The following ELOVL7 variants were observed in gnomAD, a reference collection of about 807,000 sequenced individuals.
ELOVL7 encodes very long chain fatty acid elongase 7.
ELOVL7 carries 27 observed loss-of-function variants against 35.7 expected under a neutral mutation model. The ratio of observed to expected loss-of-function variants is 0.76; its 90% confidence interval spans 0.56 to 1.04. The LOEUF (loss-of-function observed/expected upper bound fraction) is 1.04, where lower values mean the gene tolerates loss of function less well. Among genes scored for constraint, ELOVL7 ranks in the 50% least tolerant of loss-of-function variants. ELOVL7 has a pLI of 0.00. For missense variants in ELOVL7, 327 were observed against 340.8 expected, an observed-to-expected ratio of 0.96 and a Z score of 0.32; for synonymous variants, 113 against 114.6, an observed-to-expected ratio of 0.99 and a Z score of 0.09.
intron 1 of ELOVL7, among the ~76,000 whole-genome samples, chr5:60,822,685 G>A (rs533260782): frequency 6.6e-6 from 1 of 152,300 alleles, no homozygotes; most frequent in Admixed American, 6.5e-5. Context: ...GAGAACAATA[G>A]TGGTCTAAAG....
In ELOVL7 at chr5:60,811,794, C is replaced by G. The variant is rs866568703; in HGVS notation, c.-85-12564G>C. Among the ~76,000 whole-genome samples the G allele has an allele frequency of 4.1e-4, 62 of 152,134 alleles. 1 individual carries two copies. The highest frequency in any genetic ancestry group is 2.0e-3 in the Admixed American group (30 of 15,276). On this transcript the variant is annotated intron_variant, in intron 1 of 8. Coordinates refer to ENST00000508821, the MANE Select transcript of ELOVL7 (RefSeq NM_024930.3). ...CCCCTTGGCCTTGGACTTCCAGCCT[C>G]CAGAACTGTAAGAAATAATTTTTTT...
intron 1 of ELOVL7, among the ~76,000 whole-genome samples, chr5:60,817,290 G>A (rs1161664505): frequency 6.6e-6 from 1 of 150,988 alleles, no homozygotes; most frequent in Non-Finnish European, 1.5e-5. Flanking sequence ...AAAAAACAGA[G>A]GGTTTACAGA....
chr5:60,756,767 T>C (rs1231444707), intron 8 of ELOVL7, among the ~76,000 whole-genome samples: 1 of 152,196 alleles, frequency 6.6e-6, no homozygotes. Flanking sequence ...TCATTGGTGT[T>C]ACTGGCAGAA....
At chr5:60,808,021 A>AG (rs1745042128) in intron 1 of ELOVL7, among the ~76,000 whole-genome samples, 51 of 136,812 alleles carry the variant, frequency 3.7e-4, no homozygotes, top group Non-Finnish European at 7.9e-5. Context: ...AAAAAAAAAA[A>AG]GAATAAAATG....
chr5:60,841,006 T>TA (rs199897622), intron 1 of ELOVL7, among the ~76,000 whole-genome samples: 6,635 of 145,272 alleles, frequency 0.046, 528 homozygotes, highest in African/African-American at 0.16. Flanking sequence ...CACAGAATAC[T>TA]AAAAAAAATT....
chr5:60,834,124 AG>A (rs925612616), intron 1 of ELOVL7, among the ~76,000 whole-genome samples: 32 of 152,300 alleles, frequency 2.1e-4, no homozygotes, highest in Middle Eastern at 3.4e-3. Context: ...AGCAGCTCTA[AG>A]TTCTACATAT....
chr5:60,765,029 T>G (rs913248585), intron 6 of ELOVL7, among the ~76,000 whole-genome samples: 2 of 152,272 alleles, frequency 1.3e-5, no homozygotes, highest in East Asian at 3.9e-4. Flanking sequence ...AGTGTTAAGA[T>G]TTTTAAATAC....
intron 1 of ELOVL7, among the ~76,000 whole-genome samples, chr5:60,804,151 T>C (rs536870066): frequency 6.6e-6 from 1 of 152,290 alleles, no homozygotes; most frequent in Non-Finnish European, 1.5e-5. Flanking sequence ...AAGCCAATGA[T>C]ATAGCAACAG....
At chr5:60,793,310 G>GT (rs1487505059) in intron 2 of ELOVL7, among the ~76,000 whole-genome samples, 1 of 151,806 alleles carries the variant, frequency 6.6e-6, no homozygotes, top group Non-Finnish European at 1.5e-5. Flanking sequence ...TACTGCTACA[G>GT]TTTTTTTTGC....
intron 1 of ELOVL7, among the ~76,000 whole-genome samples, chr5:60,809,367 T>C (rs142586364): frequency 1.3e-3 from 197 of 151,994 alleles, no homozygotes; most frequent in African/African-American, 4.4e-3. Flanking sequence ...CCCCAAGGAG[T>C]GAGGAGGCAT....
intron 1 of ELOVL7, among the ~76,000 whole-genome samples, chr5:60,803,640 G>A (rs1317268979): frequency 6.6e-6 from 1 of 152,068 alleles, no homozygotes; most frequent in African/African-American, 2.4e-5. Context: ...AGACAGCATA[G>A]GGTTGGGCTA....
At chr5:60,820,771 G>C (rs921378037) in intron 1 of ELOVL7, among the ~76,000 whole-genome samples, 6 of 152,000 alleles carry the variant, frequency 3.9e-5, no homozygotes, top group African/African-American at 1.4e-4. Flanking sequence ...TAAGACCTGT[G>C]GTGTATGCCA....
chr5:60,768,800 A>G, intron 4 of ELOVL7: 2 of 378,352 alleles, frequency 5.3e-6, no homozygotes, highest in South Asian at 3.8e-5. Context: ...CATGCCAAAT[A>G]CCCCCTGGGA....
chr5:60,783,324 T>A (rs775175789), intron 3 of ELOVL7, among the ~76,000 whole-genome samples: 10 of 152,176 alleles, frequency 6.6e-5, no homozygotes, highest in Non-Finnish European at 1.2e-4. Flanking sequence ...TCTCCCTTAC[T>A]GAGAAATAAA....
At chr5:60,814,623 A>G (rs1026120871) in intron 1 of ELOVL7, among the ~76,000 whole-genome samples, 50 of 152,210 alleles carry the variant, frequency 3.3e-4, no homozygotes, top group African/African-American at 1.2e-3. Context: ...TATCAGAGAA[A>G]TACCATTATC....
At chr5:60,802,061 C>CATAT (rs59849955) in intron 1 of ELOVL7, among the ~76,000 whole-genome samples, 54 of 77,262 alleles carry the variant, frequency 7.0e-4, no homozygotes, top group Non-Finnish European at 1.2e-3. Flanking sequence ...AATAAACTCT[C>CATAT]ATATATATAT....
chr5:60,780,526 T>C (rs975669733), intron 3 of ELOVL7, among the ~76,000 whole-genome samples: 4 of 152,178 alleles, frequency 2.6e-5, no homozygotes, highest in Admixed American at 2.6e-4. Flanking sequence ...ATCCTTATAG[T>C]AGCGCCCCAT....
chr5:60,804,186 G>A (rs901077754), intron 1 of ELOVL7, among the ~76,000 whole-genome samples: 17 of 152,154 alleles, frequency 1.1e-4, no homozygotes, highest in Admixed American at 3.3e-4. Flanking sequence ...TACAATTCAC[G>A]TAAAAACCTT....
chr5:60,773,810 A>G (rs1024629007), intron 3 of ELOVL7, among the ~76,000 whole-genome samples: 11 of 152,264 alleles, frequency 7.2e-5, no homozygotes, highest in Non-Finnish European at 1.5e-4. Context: ...TCCACAAAGA[A>G]TTGGGGAATA....
Sources: allele counts gnomAD v4.1 joint callset (sites outside exome capture counted in the v4.1 genomes callset), GRCh38; gene constraint gnomAD v4.1.1; transcripts MANE v1.5; gene names NCBI Gene and HGNC (gene_info 2026-07-23, HGNC 2026-07-21).